ETFA: variants seen among roughly 807,000 people sequenced by gnomAD.
The protein encoded by ETFA is electron transfer flavoprotein subunit alpha.
Under a neutral mutation model 46.2 loss-of-function variants are expected in ETFA, and 22 were observed. The observed-to-expected ratio is 0.48, with a 90% confidence interval of 0.34 to 0.68. The LOEUF is 0.68. Ranked by LOEUF, ETFA falls within the 30% of genes least tolerant of loss-of-function variation. The probability of loss-of-function intolerance (pLI) is 0.01; values close to 1 mark genes in which losing one functional copy is unlikely to be tolerated. For missense variants in ETFA, 345 were observed against 401.1 expected, an observed-to-expected ratio of 0.86 and a Z score of 1.19; for synonymous variants, 131 against 139.9, an observed-to-expected ratio of 0.94 and a Z score of 0.45.
At chr15:76,260,953 G>A (rs149381270) in intron 9 of ETFA, 46 of 1,611,122 alleles carry the variant, frequency 2.9e-5, no homozygotes, top group African/African-American at 2.3e-4. Context: ...AGCAGGGCTC[G>A]GCCATCAGCA....
intron 9 of ETFA, chr15:76,260,536 T>G: frequency 2.0e-6 from 3 of 1,472,118 alleles, no homozygotes; most frequent in Non-Finnish European, 2.8e-6. Flanking sequence ...ACACGTACGA[T>G]CAGGCCCTTT....
At chr15:76,271,110 C>T (rs2039525762) in intron 9 of ETFA, among the ~76,000 whole-genome samples, 1 of 147,520 alleles carries the variant, frequency 6.8e-6, no homozygotes, top group Admixed American at 6.9e-5. Flanking sequence ...GCAGAAGTTC[C>T]AGTGAGCCGA....
chr15:76,261,620 A>G (rs756941892), intron 9 of ETFA: 19 of 436,216 alleles, frequency 4.4e-5, no homozygotes, highest in South Asian at 1.0e-4. Context: ...CAGAGCCGCC[A>G]GCAGCAGCCC....
At chr15:76,250,095 C>T (rs1450337539) in intron 9 of ETFA, among the ~76,000 whole-genome samples, 1 of 151,784 alleles carries the variant, frequency 6.6e-6, no homozygotes, top group Non-Finnish European at 1.5e-5. Flanking sequence ...AAATAAACAA[C>T]CATTAATAAG....
chr15:76,228,546 T>C (rs1175272822), intron 10 of ETFA, among the ~76,000 whole-genome samples: 3 of 152,100 alleles, frequency 2.0e-5, no homozygotes, highest in Non-Finnish European at 4.4e-5. Flanking sequence ...AAGGAACCAC[T>C]ACAGTATTTA....
rs531589326 is a variant in ETFA, at chr15:76,292,141, ACT to A, written c.351+288_351+289del. ...TAATAGAAATGACTCTTGCTCGTTCACTCTCTCTCTCACATGCAAGCAGAATT... is the reference window on the plus strand; with the variant it reads ...TAATAGAAATGACTCTTGCTCGTTCACTCTCTCTCACATGCAAGCAGAATT... On this transcript the variant is annotated intron_variant, in intron 4 of 11. Coordinates refer to ENST00000557943, the MANE Select transcript of ETFA (RefSeq NM_000126.4). Among the ~76,000 whole-genome samples the A allele has an allele frequency of 2.3e-4, 35 of 151,938 alleles. 1 individual carries two copies. The highest frequency in any genetic ancestry group is 2.2e-4 in the Non-Finnish European group (15 of 68,008).
intron 9 of ETFA, among the ~76,000 whole-genome samples, chr15:76,232,658 T>TG (rs1265795340): frequency 1.3e-5 from 2 of 152,236 alleles, no homozygotes. Flanking sequence ...GAAAATAATG[T>TG]TATTACCTCC....
chr15:76,226,005 C>CCTTA (rs11281932), intron 10 of ETFA, 76 bp from the exon 11 acceptor site: 5 of 845,580 alleles, frequency 5.9e-6, no homozygotes, highest in African/African-American at 5.0e-5. Flanking sequence ...ATTTTAACTT[C>CCTTA]CAATATATTA....
chr15:76,306,251 G>C (rs1230019005), intron 1 of ETFA, among the ~76,000 whole-genome samples: 1 of 135,462 alleles, frequency 7.4e-6, no homozygotes, highest in African/African-American at 2.7e-5. Context: ...GAGGGCAGGG[G>C]AGGGTTTTTT....
intron 9 of ETFA, chr15:76,261,246 G>T: frequency 6.4e-7 from 1 of 1,569,170 alleles, no homozygotes; most frequent in East Asian, 2.3e-5. Flanking sequence ...GTTGGAAAGG[G>T]GCATTGGGTG....
chr15:76,259,590 T>C (rs1044550395), intron 9 of ETFA: 1 of 1,055,284 alleles, frequency 9.5e-7, no homozygotes, highest in Non-Finnish European at 1.5e-6. Context: ...GTGCACAGTA[T>C]ACAGGTTGTC....
At chr15:76,217,819 C>T in intron 11 of ETFA, 1 of 252,978 alleles carries the variant, frequency 4.0e-6, no homozygotes, top group Non-Finnish European at 8.2e-6. Context: ...AATACAGCCT[C>T]TCAATTATTT....
chr15:76,299,079 C>T (rs907306455), intron 1 of ETFA, among the ~76,000 whole-genome samples: 29 of 152,166 alleles, frequency 1.9e-4, no homozygotes, highest in Non-Finnish European at 2.8e-4. Flanking sequence ...AAATACTTAA[C>T]GAGGTAATTG....
intron 8 of ETFA, among the ~76,000 whole-genome samples, chr15:76,275,376 C>T (rs1348397939): frequency 6.6e-6 from 1 of 152,126 alleles, no homozygotes; most frequent in Non-Finnish European, 1.5e-5. Flanking sequence ...CCTAATAAAA[C>T]TTAACTTTAA....
At chr15:76,308,290 C>G (rs2469572) in intron 1 of ETFA, among the ~76,000 whole-genome samples, 149,053 of 152,290 alleles carry the variant, frequency 0.98, 73,021 homozygotes, top group South Asian at 1. Flanking sequence ...AGAAATAGGA[C>G]AGTCACATAG....
At chr15:76,225,985 T>C (rs1366939979) in intron 10 of ETFA, 56 bp from the exon 11 acceptor site, 2 of 974,750 alleles carry the variant, frequency 2.1e-6, no homozygotes, top group Non-Finnish European at 3.2e-6. Flanking sequence ...TCACACAGAC[T>C]GATAGTTCTA....
At chr15:76,258,919 G>T in intron 9 of ETFA, 2 of 1,095,636 alleles carry the variant, frequency 1.8e-6, no homozygotes, top group Admixed American at 1.9e-5. Flanking sequence ...GGTCAGACAG[G>T]GCTTTGTCAG....
intron 9 of ETFA, among the ~76,000 whole-genome samples, chr15:76,253,397 A>C (rs1427491376): frequency 6.6e-6 from 1 of 152,198 alleles, no homozygotes; most frequent in Non-Finnish European, 1.5e-5. Context: ...ACCAAATCAG[A>C]CTTTGTGTCC....
intron 4 of ETFA, among the ~76,000 whole-genome samples, chr15:76,289,271 G>C (rs976468706): frequency 2.6e-5 from 4 of 152,064 alleles, no homozygotes; most frequent in Admixed American, 2.6e-4. Context: ...AACCAGATTT[G>C]TCAGTATTTA....
Sources: gnomAD v4.1 joint callset for allele counts (sites outside exome capture counted in the v4.1 genomes callset) on GRCh38, gnomAD v4.1.1 for gene constraint, MANE v1.5 for transcripts, NCBI Gene and HGNC (gene_info 2026-07-23, HGNC 2026-07-21) for gene names.